The following GPC5 variants were observed in gnomAD, a reference collection of about 807,000 sequenced individuals.
GPC5 encodes glypican 5, also known as glypican-5.
In GPC5, 47 loss-of-function variants were observed where a neutral mutation model predicts 53.9. That is an observed-to-expected ratio of 0.87 (90% CI 0.69 to 1.11). GPC5 has a LOEUF of 1.11. Among genes scored for constraint, GPC5 ranks in the 50% most tolerant of loss-of-function variants. The pLI is 0.00. For missense variants in GPC5, 748 were observed against 713.1 expected, an observed-to-expected ratio of 1.05 and a Z score of -0.56; for synonymous variants, 286 against 263.3, an observed-to-expected ratio of 1.09 and a Z score of -0.84.
chr13:91,453,816 C>T (rs1881356150), intron 2 of GPC5, among the ~76,000 whole-genome samples: 1 of 151,830 alleles, frequency 6.6e-6, no homozygotes, highest in Admixed American at 6.6e-5. Flanking sequence ...TCTTTTATTC[C>T]TCTGTTGATG....
intron 7 of GPC5, among the ~76,000 whole-genome samples, chr13:92,381,880 T>TATATTATA (rs1555331657): frequency 2.3e-5 from 1 of 43,014 alleles, no homozygotes; most frequent in Non-Finnish European, 5.2e-5. Flanking sequence ...ATATATATGA[T>TATATTATA]TATATATATT....
At chr13:92,829,259 T>C (rs1819445058) in intron 7 of GPC5, among the ~76,000 whole-genome samples, 1 of 152,184 alleles carries the variant, frequency 6.6e-6, no homozygotes, top group African/African-American at 2.4e-5. Context: ...TTAAGATATC[T>C]GATGTGAGAG....
chr13:91,906,045 A>G (rs2039549658), intron 5 of GPC5, among the ~76,000 whole-genome samples: 2 of 151,914 alleles, frequency 1.3e-5, no homozygotes. Context: ...CCCCCTGCCA[A>G]CGTCCCTGTT....
At chr13:91,646,427 A>G (rs760936187) in intron 2 of GPC5, among the ~76,000 whole-genome samples, 4 of 151,982 alleles carry the variant, frequency 2.6e-5, no homozygotes, top group Non-Finnish European at 4.4e-5. Flanking sequence ...TAATTTATAC[A>G]TCAGAAAATT....
chr13:91,669,799 C>G (rs147673480), intron 2 of GPC5, among the ~76,000 whole-genome samples: 1 of 152,260 alleles, frequency 6.6e-6, no homozygotes, highest in African/African-American at 2.4e-5. Context: ...CACTGAGGCT[C>G]AAAATTCTAT....
At chr13:91,558,703 C>T (rs575979333) in intron 2 of GPC5, among the ~76,000 whole-genome samples, 3 of 152,134 alleles carry the variant, frequency 2.0e-5, no homozygotes, top group South Asian at 2.1e-4. Context: ...TCTAGAGATA[C>T]GTTGAGACTG....
At chr13:91,830,867 T>TAA in intron 5 of GPC5, among the ~76,000 whole-genome samples, 1 of 126,476 alleles carries the variant, frequency 7.9e-6, no homozygotes, top group East Asian at 2.0e-4. Context: ...CTATTATATA[T>TAA]AATATATATC....
chr13:91,927,042 C>A (rs1035530186), intron 6 of GPC5, among the ~76,000 whole-genome samples: 2 of 152,146 alleles, frequency 1.3e-5, no homozygotes, highest in African/African-American at 4.8e-5. Flanking sequence ...TTAATGCTTG[C>A]GGTATTGTTA....
chr13:91,671,793 A>AC (rs2035252464), intron 2 of GPC5, among the ~76,000 whole-genome samples: 1 of 149,148 alleles, frequency 6.7e-6, no homozygotes, highest in African/African-American at 2.4e-5. Context: ...AAAAAAAAAA[A>AC]AAAAAAAAAA....
At chr13:92,474,549 G>A (rs557291817) in intron 7 of GPC5, among the ~76,000 whole-genome samples, 5 of 151,794 alleles carry the variant, frequency 3.3e-5, no homozygotes, top group African/African-American at 1.2e-4. Context: ...CTTCTCATGG[G>A]CAGTACTTCA....
chr13:92,021,523 G>A (rs1373005969), intron 6 of GPC5, among the ~76,000 whole-genome samples: 2 of 152,116 alleles, frequency 1.3e-5, no homozygotes, highest in Non-Finnish European at 2.9e-5. Context: ...AGTCAGGCAG[G>A]ATGAATAAGC....
chr13:92,371,726 G>C (rs1009367652), intron 7 of GPC5, among the ~76,000 whole-genome samples: 9 of 152,226 alleles, frequency 5.9e-5, no homozygotes, highest in African/African-American at 1.2e-4. Flanking sequence ...TCACTATCAC[G>C]AGAATAGCAT....
intron 2 of GPC5, among the ~76,000 whole-genome samples, chr13:91,539,265 A>C (rs1372288669): frequency 1.3e-5 from 2 of 152,192 alleles, no homozygotes; most frequent in African/African-American, 2.4e-5. Flanking sequence ...GGGGGCAGTG[A>C]TAGAAACTCA....
At chr13:91,612,635 TAG>T (rs1354673230) in intron 2 of GPC5, among the ~76,000 whole-genome samples, 1 of 152,130 alleles carries the variant, frequency 6.6e-6, no homozygotes, top group Non-Finnish European at 1.5e-5. Flanking sequence ...CTTGTGATAT[TAG>T]AGAGTTATGA....
intron 7 of GPC5, among the ~76,000 whole-genome samples, chr13:92,797,819 T>TGATAGATA (rs10553721): frequency 0.075 from 10,693 of 143,470 alleles, 426 homozygotes; most frequent in East Asian, 0.092. Flanking sequence ...ATTCAAGGGA[T>TGATAGATA]GATAGATAGA....
At chr13:92,607,628 C>A (rs1236797556) in intron 7 of GPC5, among the ~76,000 whole-genome samples, 1 of 151,990 alleles carries the variant, frequency 6.6e-6, no homozygotes, top group Non-Finnish European at 1.5e-5. Context: ...TATTTAAATT[C>A]ATTAAAGTTT....
At chr13:92,130,312 C>A (rs2041732562) in intron 6 of GPC5, among the ~76,000 whole-genome samples, 2 of 148,576 alleles carry the variant, frequency 1.3e-5, no homozygotes, top group Non-Finnish European at 3.0e-5. Context: ...TAGAAGCATG[C>A]AATTAGAGGA....
chr13:92,779,444 C>T (rs1594501469), intron 7 of GPC5, among the ~76,000 whole-genome samples: 3 of 151,598 alleles, frequency 2.0e-5, no homozygotes, highest in East Asian at 1.9e-4. Context: ...TTCAGTACTA[C>T]CTGCGAAAAA....
chr13:92,128,308 C>G lies in GPC5; in HGVS notation c.1402-16522C>G, dbSNP rs552750022. Among the ~76,000 whole-genome samples the G allele has an allele frequency of 4.7e-4, 72 of 152,294 alleles. 1 individual carries two copies. Among genetic ancestry groups the G allele is most frequent in the Non-Finnish European group, 2.1e-4 (14 of 68,022 alleles). On this transcript the variant is annotated intron_variant, in intron 6 of 7. Coordinates refer to ENST00000377067, the MANE Select transcript of GPC5 (RefSeq NM_004466.6). ...TTCATAGTAGTTTTCCTGACACTTT[C>G]ACCAGTGACACCTATGTTATTACAC...
Sources: gnomAD v4.1 joint callset for allele counts (sites outside exome capture counted in the v4.1 genomes callset) on GRCh38, gnomAD v4.1.1 for gene constraint, MANE v1.5 for transcripts, NCBI Gene and HGNC (gene_info 2026-07-23, HGNC 2026-07-21) for gene names.